The following AKAP10 variants were observed in gnomAD, a reference collection of about 807,000 sequenced individuals.
AKAP10 encodes A-kinase anchor protein 10, mitochondrial.
AKAP10 carries 24 observed loss-of-function variants against 80.8 expected under a neutral mutation model. That is an observed-to-expected ratio of 0.30 (90% CI 0.22 to 0.42). The LOEUF is 0.42. Among genes scored for constraint, AKAP10 ranks in the 10% least tolerant of loss-of-function variants. The pLI is 1.00. For synonymous variants in AKAP10, 291 were observed against 277.7 expected, an observed-to-expected ratio of 1.05 and a Z score of -0.48; for missense variants, 661 against 794.9, an observed-to-expected ratio of 0.83 and a Z score of 2.03.
chr17:19,913,157 T>G (rs910578726), intron 12 of AKAP10, among the ~76,000 whole-genome samples: 1 of 148,752 alleles, frequency 6.7e-6, no homozygotes, highest in African/African-American at 2.5e-5. Flanking sequence ...CTAATTGTTT[T>G]TTTTTTTTTT....
intron 1 of AKAP10, among the ~76,000 whole-genome samples, chr17:19,976,162 C>T (rs992133413): frequency 6.6e-6 from 1 of 152,152 alleles, no homozygotes; most frequent in Non-Finnish European, 1.5e-5. Context: ...TCATATGAAA[C>T]CAAGTTCGAT....
intron 2 of AKAP10, among the ~76,000 whole-genome samples, chr17:19,967,720 T>C (rs1431669812): frequency 6.6e-6 from 1 of 151,392 alleles, no homozygotes; most frequent in Non-Finnish European, 1.5e-5. Flanking sequence ...CTGTCTCTAC[T>C]AAAAATACAA....
intron 5 of AKAP10, among the ~76,000 whole-genome samples, chr17:19,943,293 G>A (rs2152414810): frequency 6.6e-6 from 1 of 152,254 alleles, no homozygotes; most frequent in East Asian, 1.9e-4. Context: ...AGAGCTTTAG[G>A]ATGAGGGCTA....
intron 13 of AKAP10, 104 bp downstream of exon 13, chr17:19,909,822 G>T (rs2042669686): frequency 1.1e-6 from 1 of 945,724 alleles, no homozygotes; most frequent in Non-Finnish European, 1.6e-6. Flanking sequence ...AATGTGCCAT[G>T]CTGCTTAAAC....
chr17:19,964,412 C>T (rs1001256575), intron 2 of AKAP10, among the ~76,000 whole-genome samples: 4 of 152,158 alleles, frequency 2.6e-5, no homozygotes, highest in African/African-American at 4.8e-5. Context: ...TCTTTTAATA[C>T]CCATTTATCA....
At chr17:19,952,079 G>C (rs945489051) in intron 4 of AKAP10, among the ~76,000 whole-genome samples, 1 of 151,172 alleles carries the variant, frequency 6.6e-6, no homozygotes, top group Admixed American at 6.6e-5. Flanking sequence ...CAGTGCAACA[G>C]TTACATTTAA....
chr17:19,948,036 G>C (rs1308335407), intron 4 of AKAP10, among the ~76,000 whole-genome samples: 1 of 150,220 alleles, frequency 6.7e-6, no homozygotes, highest in Non-Finnish European at 1.5e-5. Flanking sequence ...AACCACCAAA[G>C]GCGGGTGTTA....
In AKAP10 at chr17:19,958,325, G is replaced by C; in HGVS notation, c.566C>G (p.Ser189Cys). The C allele has an allele frequency of 6.2e-7, 1 of 1,614,206 alleles. No homozygotes were observed. Among genetic ancestry groups the C allele is most frequent in the Middle Eastern group, 1.6e-4 (1 of 6,062 alleles). The part of the protein sequence containing the change: ...QSSLAEPVSP[S>C]KKHETTASFL... ...AGACGCTGTAGTTTCATGCTTTTTA[G>C]ATGGAGAGACAGGCTCAGCCAGTGA... Residue 189 changes from serine (S) to cysteine (C), a missense_variant, in exon 4 of 15, where the codon TCT becomes TGT. By Grantham distance (112) the Ser-to-Cys change is moderately radical (BLOSUM62 -1). Transcript: ENST00000225737.
intron 12 of AKAP10, 123 bp from the exon 13 acceptor site, chr17:19,910,101 G>A: frequency 1.2e-6 from 1 of 813,764 alleles, no homozygotes; most frequent in South Asian, 1.6e-5. Context: ...GCCGAGGTGG[G>A]TGATTCACCT....
intron 14 of AKAP10, among the ~76,000 whole-genome samples, chr17:19,906,456 T>C (rs2042632516): frequency 6.6e-6 from 1 of 152,186 alleles, no homozygotes; most frequent in South Asian, 2.1e-4. Context: ...CCAAGGGGCA[T>C]ATAACAAGGA....
At chr17:19,958,776 T>C (rs1358415718) in intron 3 of AKAP10, among the ~76,000 whole-genome samples, 1 of 151,364 alleles carries the variant, frequency 6.6e-6, no homozygotes, top group Non-Finnish European at 1.5e-5. Context: ...CCTAAATTAT[T>C]AAAAAGTTAT....
chr17:19,936,152 C>T, intron 9 of AKAP10, 134 bp downstream of exon 9: 1 of 998,908 alleles, frequency 1.0e-6, no homozygotes, highest in Non-Finnish European at 1.4e-6. Flanking sequence ...AGACTCAAGG[C>T]CTCTGCTCTT....
intron 3 of AKAP10, among the ~76,000 whole-genome samples, chr17:19,959,400 G>T (rs2043322145): frequency 6.6e-6 from 1 of 152,094 alleles, no homozygotes; most frequent in South Asian, 2.1e-4. Context: ...TTTTGGAGGA[G>T]CATTCAGGAA....
intron 9 of AKAP10, among the ~76,000 whole-genome samples, chr17:19,935,845 C>T (rs1213370840): frequency 6.6e-6 from 1 of 152,068 alleles, no homozygotes; most frequent in Non-Finnish European, 1.5e-5. Context: ...TTACAGTTAA[C>T]TGTTTTCTTA....
chr17:19,911,850 AAAAAAAAAAAAAAAAAAAAG>A (rs1326358606), intron 12 of AKAP10, among the ~76,000 whole-genome samples: 1 of 120,346 alleles, frequency 8.3e-6, no homozygotes, highest in African/African-American at 6.2e-5. Context: ...AAAAAAAAAA[AAAAAAAAAAAAAAAAAAAAG>A]AAATCTCTGA....
chr17:19,977,576 G>A lies in AKAP10; in HGVS notation c.88+16C>T. 1.6e-6 allele frequency: 2 copies of A among 1,233,268 alleles called. No homozygotes were observed. The highest frequency in any genetic ancestry group is 3.2e-5 in the East Asian group (1 of 31,678). The allele number at this position is 1,233,268 out of a possible 1,614,324, so 76.4% of individuals were successfully genotyped here. ...TGAGGCCCGGCCTGACTCCCCGCCG[G>A]CGCCCCCTCAGCTACCTTTCCGCCG... On this transcript the variant is annotated intron_variant, in intron 1 of 14. Coordinates refer to ENST00000225737, the MANE Select transcript of AKAP10 (RefSeq NM_007202.4).
chr17:19,929,101 A>C (rs2042905134), intron 10 of AKAP10, among the ~76,000 whole-genome samples: 1 of 152,220 alleles, frequency 6.6e-6, no homozygotes, highest in Non-Finnish European at 1.5e-5. Context: ...AGTTGGCAAC[A>C]AAAGACCACA....
chr17:19,915,690 T>C lies in AKAP10; in HGVS notation c.1834+4346A>G, dbSNP rs557036811. Among the ~76,000 whole-genome samples the C allele has an allele frequency of 3.9e-5, 6 of 152,302 alleles. No homozygotes were observed. The South Asian group carries it at 6.2e-4, about 16-fold the overall frequency. Reference sequence around the variant, plus strand: ...ATAGATGGGCTTGCTGGTAGAAATATAATCTTTTTGCCTCTACCTTCAAAT... The same window carrying C: ...ATAGATGGGCTTGCTGGTAGAAATACAATCTTTTTGCCTCTACCTTCAAAT... On this transcript the variant is annotated intron_variant, in intron 12 of 14. Transcript: ENST00000225737.
chr17:19,958,609 C>T, intron 3 of AKAP10, 38 bp from the exon 4 acceptor site: 1 of 1,524,136 alleles, frequency 6.6e-7, no homozygotes, highest in Non-Finnish European at 8.8e-7. Context: ...AGTTCAGCAA[C>T]AAATAATTTC....
Sources: gnomAD v4.1 joint callset for allele counts (sites outside exome capture counted in the v4.1 genomes callset) on GRCh38, gnomAD v4.1.1 for gene constraint, MANE v1.5 for transcripts, NCBI Gene and HGNC (gene_info 2026-07-23, HGNC 2026-07-21) for gene names.